RBFOX1: variants seen among roughly 807,000 people sequenced by gnomAD.
The protein encoded by RBFOX1 is RNA binding protein fox-1 homolog 1.
RBFOX1 carries 8 observed loss-of-function variants against 57.7 expected under a neutral mutation model. The observed-to-expected ratio is 0.14, with a 90% confidence interval of 0.08 to 0.25. The LOEUF (loss-of-function observed/expected upper bound fraction) is 0.25. Ranked by LOEUF, RBFOX1 falls within the 10% of genes least tolerant of loss-of-function variation. The pLI, the probability that RBFOX1 is intolerant of heterozygous loss-of-function variation, is 1.00. For synonymous variants in RBFOX1, 326 were observed against 222.4 expected, an observed-to-expected ratio of 1.47 and a Z score of -4.15; for missense variants, 611 against 548.5, an observed-to-expected ratio of 1.11 and a Z score of -1.14.
At chr16:6,281,899 C>G (rs1382030920) in intron 1 of RBFOX1, among the ~76,000 whole-genome samples, 1 of 152,030 alleles carries the variant, frequency 6.6e-6, no homozygotes, top group East Asian at 1.9e-4. Flanking sequence ...CAAGGCTACC[C>G]CACTGCCCGC....
At position 7,062,892 on chromosome 16, in the gene RBFOX1, CATTTTTTTTTTTTTTTTTT is replaced by C. The variant is rs1256093478; in HGVS notation, c.27+10795_27+10813del. On this transcript the variant is annotated intron_variant, in intron 4 of 15. Coordinates refer to ENST00000550418, the MANE Select transcript of RBFOX1 (RefSeq NM_018723.4). ...TACCTCATCTCATTCAAATGATCGC[CATTTTTTTTTTTTTTTTTT>C]TTTTTTTTTTTTTTTTTGCTGAAGT... 3.3e-3 allele frequency among the ~76,000 whole-genome samples: 196 copies of C among 59,962 alleles called. 1 individual carries two copies. Among genetic ancestry groups the C allele is most frequent in the South Asian group, 0.015 (20 of 1,296 alleles). The allele number at this position is 59,962 out of a possible 152,430, so 39.3% of individuals were successfully genotyped here. A position where few individuals can be genotyped will look rare whatever the true frequency, so the allele number is the denominator to read the frequency against.
At chr16:5,774,503 C>A (rs1483419868) in intron 3 of RBFOX1, among the ~76,000 whole-genome samples, 4 of 152,186 alleles carry the variant, frequency 2.6e-5, no homozygotes, top group Admixed American at 2.6e-4. Flanking sequence ...CAATCTATTT[C>A]AACAAGGAGA....
At chr16:6,617,748 A>T (rs1181083409) in intron 2 of RBFOX1, among the ~76,000 whole-genome samples, 1 of 152,216 alleles carries the variant, frequency 6.6e-6, no homozygotes, top group African/African-American at 2.4e-5. Flanking sequence ...GTGCAATTTC[A>T]GCCAGAGGAA....
chr16:6,895,472 ATATATATATATATATT>A (rs746566972), intron 3 of RBFOX1, among the ~76,000 whole-genome samples: 6,616 of 114,700 alleles, frequency 0.058, 283 homozygotes, highest in South Asian at 0.095. Context: ...ATATATATAT[ATATATATATATATATT>A]TATTCCCCTA....
intron 1 of RBFOX1, among the ~76,000 whole-genome samples, chr16:6,114,542 A>G (rs895605629): frequency 3.4e-5 from 5 of 146,684 alleles, no homozygotes; most frequent in African/African-American, 1.1e-4. Context: ...CTTGTCAATT[A>G]GAATCAATGG....
At chr16:7,242,893 G>T (rs960307486) in intron 4 of RBFOX1, among the ~76,000 whole-genome samples, 2 of 152,136 alleles carry the variant, frequency 1.3e-5, no homozygotes, top group African/African-American at 4.8e-5. Context: ...TGCAAGCAGT[G>T]CCTCTCGACA....
chr16:5,757,341 C>T (rs1162867929), intron 3 of RBFOX1, among the ~76,000 whole-genome samples: 1 of 150,542 alleles, frequency 6.6e-6, no homozygotes, highest in Non-Finnish European at 1.5e-5. Flanking sequence ...AAGTGATTCT[C>T]CTGCCTCAGC....
At chr16:7,316,828 A>G (rs942579021) in intron 4 of RBFOX1, among the ~76,000 whole-genome samples, 3 of 151,962 alleles carry the variant, frequency 2.0e-5, no homozygotes, top group African/African-American at 7.3e-5. Context: ...AGGTGTCTTT[A>G]AGATGCTGGA....
chr16:7,480,272 C>G (rs75611547), intron 4 of RBFOX1, among the ~76,000 whole-genome samples: 1 of 152,190 alleles, frequency 6.6e-6, no homozygotes, highest in African/African-American at 2.4e-5. Context: ...AGAGCAAGGA[C>G]AGATCTGACA....
chr16:5,737,589 GCTAA>G (rs1163562571), intron 3 of RBFOX1, among the ~76,000 whole-genome samples: 2 of 149,504 alleles, frequency 1.3e-5, no homozygotes, highest in East Asian at 2.0e-4. Flanking sequence ...CTGCTATGTG[GCTAA>G]CTCTTTATCC....
intron 1 of RBFOX1, among the ~76,000 whole-genome samples, chr16:6,219,937 T>C (rs2097361076): frequency 6.6e-6 from 1 of 152,154 alleles, no homozygotes; most frequent in East Asian, 1.9e-4. Context: ...TGATAATACA[T>C]GAAAAGCTCT....
intron 2 of RBFOX1, among the ~76,000 whole-genome samples, chr16:6,600,121 C>G (rs1263225427): frequency 6.6e-6 from 1 of 152,124 alleles, no homozygotes; most frequent in Non-Finnish European, 1.5e-5. Context: ...TTCTCACTTC[C>G]CTTACCAGAC....
chr16:6,137,199 C>T (rs1199044799), intron 1 of RBFOX1, among the ~76,000 whole-genome samples: 3 of 152,162 alleles, frequency 2.0e-5, no homozygotes, highest in Non-Finnish European at 2.9e-5. Context: ...TAGAAAACAT[C>T]CAGTGGTGGT....
chr16:6,906,417 T>C (rs1263325784), intron 3 of RBFOX1, among the ~76,000 whole-genome samples: 1 of 151,980 alleles, frequency 6.6e-6, no homozygotes, highest in East Asian at 1.9e-4. Flanking sequence ...TGGAAGAAAA[T>C]TATGGGAAAA....
intron 14 of RBFOX1, among the ~76,000 whole-genome samples, chr16:7,704,318 C>T (rs77022597): frequency 0.024 from 3,622 of 152,240 alleles, 65 homozygotes; most frequent in Non-Finnish European, 0.039. Context: ...TTTAGTTTTT[C>T]CCTGAAGGCT....
chr16:6,850,113 G>A (rs1215616784), intron 3 of RBFOX1, among the ~76,000 whole-genome samples: 1 of 152,108 alleles, frequency 6.6e-6, no homozygotes, highest in African/African-American at 2.4e-5. Flanking sequence ...TAGCTTCTTG[G>A]ATTCTAAAGT....
chr16:7,610,235 T>G (rs1433407963), intron 10 of RBFOX1, among the ~76,000 whole-genome samples: 1 of 150,240 alleles, frequency 6.7e-6, no homozygotes, highest in Non-Finnish European at 1.5e-5. Flanking sequence ...TTCTTCTGCC[T>G]TAGCCTCTCG....
chr16:6,914,764 C>T (rs1567856536), intron 3 of RBFOX1, among the ~76,000 whole-genome samples: 3 of 152,240 alleles, frequency 2.0e-5, no homozygotes, highest in Non-Finnish European at 4.4e-5. Context: ...GTCCCAGCTA[C>T]TTTGAAGGCT....
chr16:7,619,426 A>G (rs910122193), intron 10 of RBFOX1, among the ~76,000 whole-genome samples: 6 of 152,140 alleles, frequency 3.9e-5, no homozygotes, highest in Non-Finnish European at 7.3e-5. Flanking sequence ...ACTTCATCCA[A>G]TCACTCTTTG....
Sources: allele counts gnomAD v4.1 joint callset (sites outside exome capture counted in the v4.1 genomes callset), GRCh38; gene constraint gnomAD v4.1.1; transcripts MANE v1.5; gene names NCBI Gene and HGNC (gene_info 2026-07-23, HGNC 2026-07-21).